TDRD7: variants seen among roughly 807,000 people sequenced by gnomAD.
TDRD7 encodes tudor domain containing 7.
A neutral mutation model predicts 109.8 loss-of-function variants in TDRD7; 47 were observed. The ratio of observed to expected loss-of-function variants is 0.43; its 90% CI spans 0.34 to 0.55. The LOEUF is 0.55. TDRD7 is among the 20% of genes least tolerant of loss of function. TDRD7 has a pLI of 0.03. For missense variants in TDRD7, 1,164 were observed against 1,319.2 expected (o/e 0.88, Z 1.82); for synonymous variants, 424 against 457.3 (o/e 0.93, Z 0.93).
intron 1 of TDRD7, among the ~76,000 whole-genome samples, chr9:97,417,441 G>A (rs916368497): frequency 6.6e-6 from 1 of 152,186 alleles, no homozygotes; most frequent in African/African-American, 2.4e-5. Flanking sequence ...GACCAGCTAA[G>A]AGCCCAGCTG....
At chr9:97,413,154 C>T (rs1280520507) in intron 1 of TDRD7, among the ~76,000 whole-genome samples, 1 of 152,082 alleles carries the variant, frequency 6.6e-6, no homozygotes, top group Non-Finnish European at 1.5e-5. Context: ...TCCAATCGTG[C>T]CGGTGAAAAA....
At chr9:97,421,731 TGTG>T (rs1827903622) in intron 1 of TDRD7, among the ~76,000 whole-genome samples, 1 of 126,130 alleles carries the variant, frequency 7.9e-6, no homozygotes, top group South Asian at 2.7e-4. Flanking sequence ...TGTGTGTGTG[TGTG>T]TGTGTGTGTG....
intron 13 of TDRD7, among the ~76,000 whole-genome samples, chr9:97,478,893 A>T (rs994656088): frequency 5.9e-5 from 9 of 152,072 alleles, no homozygotes; most frequent in African/African-American, 2.2e-4. Flanking sequence ...TATTGTGTAT[A>T]AATGTTTATT....
At chr9:97,479,862 A>C (rs899935108) in intron 13 of TDRD7, among the ~76,000 whole-genome samples, 12 of 152,028 alleles carry the variant, frequency 7.9e-5, no homozygotes, top group Admixed American at 7.9e-4. Flanking sequence ...ACTGCTGAGC[A>C]CTCTTCTTGT....
At chr9:97,443,821 A>C (rs2118381228) in intron 6 of TDRD7, among the ~76,000 whole-genome samples, 1 of 152,310 alleles carries the variant, frequency 6.6e-6, no homozygotes, top group Admixed American at 6.5e-5. Context: ...GCATTTTTTT[A>C]ATCATCAGGA....
At chr9:97,431,990 C>T (rs1280904197) in intron 3 of TDRD7, 35 bp from the exon 4 acceptor site, 1 of 1,584,226 alleles carries the variant, frequency 6.3e-7, no homozygotes, top group Admixed American at 1.7e-5. Flanking sequence ...TTTGGGGATG[C>T]TAATTGATTT....
rs565202254 is a variant in TDRD7, at chr9:97,421,359, T to C, written c.-6-7101T>C. Reference sequence around the variant, plus strand: ...ATGCTGTTGAGCATCTTTTCATGTGTTTTTTTGCCATCTTCATTTTTACTT... The same window carrying C: ...ATGCTGTTGAGCATCTTTTCATGTGCTTTTTTGCCATCTTCATTTTTACTT... On this transcript the variant is annotated intron_variant, in intron 1 of 16. Coordinates refer to ENST00000355295, the MANE Select transcript of TDRD7 (RefSeq NM_014290.3). 2.1e-3 allele frequency among the ~76,000 whole-genome samples: 326 copies of C among 152,278 alleles called. 1 individual carries two copies. Among genetic ancestry groups the C allele is most frequent in the African/African-American group, 7.6e-3 (315 of 41,560 alleles).
chr9:97,453,398 G>A (rs72749688), intron 6 of TDRD7, among the ~76,000 whole-genome samples: 275 of 152,238 alleles, frequency 1.8e-3, no homozygotes, highest in Non-Finnish European at 3.0e-3. Flanking sequence ...AAGCTGACTA[G>A]AAGCAGCAGC....
intron 4 of TDRD7, among the ~76,000 whole-genome samples, chr9:97,437,641 A>T (rs1323162351): frequency 2.0e-5 from 3 of 152,186 alleles, no homozygotes; most frequent in Non-Finnish European, 4.4e-5. Context: ...CCGTTTCTCA[A>T]CTATACCGTG....
intron 14 of TDRD7, among the ~76,000 whole-genome samples, chr9:97,482,495 T>G (rs973276155): frequency 6.6e-6 from 1 of 152,248 alleles, no homozygotes; most frequent in Non-Finnish European, 1.5e-5. Flanking sequence ...TTCATCATAC[T>G]TATCATTTCT....
intron 8 of TDRD7, among the ~76,000 whole-genome samples, chr9:97,465,984 T>C (rs1379802868): frequency 1.3e-5 from 2 of 152,182 alleles, no homozygotes; most frequent in South Asian, 2.1e-4. Context: ...TACAGAGCGC[T>C]CTTGGACTGT....
chr9:97,489,420 T>A (rs1455579723), intron 16 of TDRD7, among the ~76,000 whole-genome samples: 1 of 152,224 alleles, frequency 6.6e-6, no homozygotes, highest in South Asian at 2.1e-4. Flanking sequence ...CTGATAACTT[T>A]CCTTGCACTG....
chr9:97,475,338 T>C (rs367580655), intron 11 of TDRD7, 45 bp from the exon 12 acceptor site: 6 of 1,441,576 alleles, frequency 4.2e-6, no homozygotes, highest in Non-Finnish European at 5.9e-6. Context: ...AGCAATATGC[T>C]CTTTGCTAAG....
chr9:97,488,576 T>TTG (rs1829251971), intron 16 of TDRD7, among the ~76,000 whole-genome samples: 1 of 150,286 alleles, frequency 6.7e-6, no homozygotes, highest in African/African-American at 2.4e-5. Flanking sequence ...TTTTTTTTTT[T>TTG]TTTGTTTTCA....
chr9:97,451,601 A>T (rs1828494120), intron 6 of TDRD7, among the ~76,000 whole-genome samples: 1 of 152,240 alleles, frequency 6.6e-6, no homozygotes, highest in Admixed American at 6.5e-5. Context: ...CATATCCTTC[A>T]TAGTAAACCA....
At chr9:97,476,364 C>T (rs1829017862) in intron 12 of TDRD7, among the ~76,000 whole-genome samples, 1 of 151,968 alleles carries the variant, frequency 6.6e-6, no homozygotes, top group African/African-American at 2.4e-5. Flanking sequence ...TGTGGTTTAT[C>T]TTGCGTTTCT....
At position 97,428,555 on chromosome 9, in the gene TDRD7, G is replaced by A. The variant is rs1828044203; in HGVS notation, c.90G>A (p.Glu30=). The stretch of plus-strand genomic sequence containing the variant: ...TAGCATTACCCCGGCTCCAAGGAGA[G>A]TACAGATCCTTGACTGGAGACTGGA... ...NGVALPRLQG[E]YRSLTGDWIP... is the part of the protein sequence containing the mutation. Residue 30 remains glutamate (E), a synonymous_variant, in exon 2 of 17, where the codon GAG becomes GAA. Transcript: ENST00000355295. 6.2e-7 allele frequency: 1 copy of A among 1,613,684 alleles called. No individual in the cohort carries two copies. The highest frequency in any genetic ancestry group is 1.7e-5 in the Admixed American group (1 of 59,974).
intron 4 of TDRD7, among the ~76,000 whole-genome samples, chr9:97,437,104 A>C (rs985380154): frequency 3.9e-5 from 6 of 152,128 alleles, no homozygotes; most frequent in Non-Finnish European, 8.8e-5. Flanking sequence ...TTAATTATCT[A>C]TTGCTGTGTT....
At chr9:97,487,442 G>GT in intron 16 of TDRD7, 110 bp downstream of exon 16, 3 of 1,487,912 alleles carry the variant, frequency 2.0e-6, no homozygotes, top group Non-Finnish European at 2.8e-6. Flanking sequence ...GGTATGTTGG[G>GT]TTTTTGTTTT....
Sources: allele counts gnomAD v4.1 joint callset (sites outside exome capture counted in the v4.1 genomes callset), GRCh38; gene constraint gnomAD v4.1.1; transcripts MANE v1.5; gene names NCBI Gene and HGNC (gene_info 2026-07-23, HGNC 2026-07-21).